The following KSR1 variants were observed in gnomAD, a reference collection of about 807,000 sequenced individuals.
The protein encoded by KSR1 is kinase suppressor of ras.
KSR1 carries 35 observed loss-of-function variants against 92.9 expected under a neutral mutation model. The ratio of observed to expected loss-of-function variants is 0.38; its 90% CI spans 0.29 to 0.50. KSR1 has a LOEUF of 0.50. Ranked by LOEUF, KSR1 falls within the 20% of genes least tolerant of loss-of-function variation. The probability of loss-of-function intolerance (pLI) is 0.94; values close to 1 mark genes in which losing one functional copy is unlikely to be tolerated. For synonymous variants in KSR1, 467 were observed against 472.6 expected, an observed-to-expected ratio of 0.99 and a Z score of 0.15; for missense variants, 972 against 1,158.5, an observed-to-expected ratio of 0.84 and a Z score of 2.34.
At position 27,495,701 on chromosome 17, in the gene KSR1, C is replaced by T. The variant is rs2068962099; in HGVS notation, c.231+38827C>T. 2.6e-5 allele frequency among the ~76,000 whole-genome samples: 4 copies of T among 152,188 alleles called. No homozygotes were observed. In the South Asian group the frequency reaches 8.3e-4, roughly 32 times the overall value. The stretch of plus-strand genomic sequence containing the variant: ...TGATTTCAGAATAACAGGGCGAGCT[C>T]TCACAGAGCATTCATTGCTTCATCG... On this transcript the variant is annotated intron_variant, in intron 1 of 20. Coordinates refer to ENST00000644974, the MANE Select transcript of KSR1 (RefSeq NM_001394583.1).
At position 27,550,701 on chromosome 17, in the gene KSR1, T is replaced by G. The variant is rs778448014; in HGVS notation, c.365T>G (p.Val122Gly). The G allele has an allele frequency of 1.3e-6, 1 of 762,650 alleles. No individual in the cohort carries two copies. Among genetic ancestry groups the G allele is most frequent in the South Asian group, 1.3e-5 (1 of 74,510 alleles). The allele number at this position is 762,650 out of a possible 1,614,324, so 47.2% of individuals were successfully genotyped here. ...TACACTTTCAACGTGAGGCCGGAGG[T>G]GGTGCAGGTATGCAAGCTGGTTCTC... ...WLYTFNVRPE[V>G]VQEIPRDLTL... The change falls in exon 2 of 21, where the codon GTG becomes GGG. Residue 122 changes from valine (V) to glycine (G), a missense_variant. Coordinates refer to ENST00000644974, the MANE Select transcript of KSR1 (RefSeq NM_001394583.1).
At chr17:27,495,246 C>T (rs1420037470) in intron 1 of KSR1, among the ~76,000 whole-genome samples, 4 of 152,218 alleles carry the variant, frequency 2.6e-5, no homozygotes, top group Non-Finnish European at 5.9e-5. Context: ...TCCTCTCCTC[C>T]TCCCCTGAGC....
chr17:27,482,088 T>G (rs899093915), intron 1 of KSR1, among the ~76,000 whole-genome samples: 19 of 152,128 alleles, frequency 1.2e-4, no homozygotes, highest in African/African-American at 4.1e-4. Context: ...ATAAATGTTG[T>G]TGGTGGTGCT....
chr17:27,590,989 A>G, intron 7 of KSR1, 95 bp downstream of exon 7: 1 of 1,064,682 alleles, frequency 9.4e-7, no homozygotes, highest in Non-Finnish European at 1.4e-6. Context: ...AGTCCTATTC[A>G]GCACACCAGG....
In KSR1 at chr17:27,588,457, C is replaced by A; in HGVS notation, c.986-18C>A. 1 of 1,564,124 alleles carries A rather than the reference C, an allele frequency of 6.4e-7. No individual in the cohort carries two copies. Among genetic ancestry groups the A allele is most frequent in the Admixed American group, 1.9e-5 (1 of 52,888 alleles). On this transcript the variant is annotated intron_variant, in intron 5 of 20. Transcript: ENST00000644974. Reference sequence around the variant, plus strand: ...TGCGGAGTTCCTCAGCCTGCCCATCCGGCCTCTTTCCCTGCAGATCTCTCG... The same window carrying A: ...TGCGGAGTTCCTCAGCCTGCCCATCAGGCCTCTTTCCCTGCAGATCTCTCG...
At chr17:27,463,082 A>G (rs1021623507) in intron 1 of KSR1, among the ~76,000 whole-genome samples, 3 of 152,272 alleles carry the variant, frequency 2.0e-5, no homozygotes, top group Admixed American at 2.0e-4. Flanking sequence ...GTATATGAAT[A>G]CATTTAATAT....
intron 1 of KSR1, among the ~76,000 whole-genome samples, chr17:27,525,929 GT>G (rs1460743853): frequency 6.6e-6 from 1 of 152,190 alleles, no homozygotes. Context: ...ATTTGGAACA[GT>G]TTGCGTGGAA....
chr17:27,522,169 T>C (rs2070061436), intron 1 of KSR1, among the ~76,000 whole-genome samples: 1 of 152,142 alleles, frequency 6.6e-6, no homozygotes, highest in South Asian at 2.1e-4. Flanking sequence ...GGAGTGTCTC[T>C]CTGAGCCCCT....
intron 6 of KSR1, among the ~76,000 whole-genome samples, chr17:27,589,710 C>T (rs1412312318): frequency 6.6e-6 from 1 of 152,198 alleles, no homozygotes; most frequent in Non-Finnish European, 1.5e-5. Context: ...CAGCCTTGCA[C>T]TTTTTTTCTG....
intron 16 of KSR1, 101 bp downstream of exon 16, chr17:27,609,430 C>T: frequency 1.4e-6 from 2 of 1,467,234 alleles, no homozygotes. Flanking sequence ...AGCTGCAGCC[C>T]TCCCTGCAGG....
Position 27,559,624 on chromosome 17 carries a change from A to G in KSR1, c.372+8916A>G, listed in dbSNP as rs1598026229. ...TGAAGACACCTTCCTCTGCCCCAGG[A>G]GCACACAGACTGGGGTGAAACAGGA... is the stretch of plus-strand genomic sequence containing the variant. On this transcript the variant is annotated intron_variant, in intron 2 of 20. Transcript: ENST00000644974. This position sits in a 1 kb window ranked among gnomAD's most constrained non-coding sequence, Gnocchi z 4.2. 6.6e-6 allele frequency among the ~76,000 whole-genome samples: 1 copy of G among 152,236 alleles called. No homozygotes were observed. Among genetic ancestry groups the G allele is most frequent in the Admixed American group, 6.5e-5 (1 of 15,286 alleles).
chr17:27,475,480 G>A (rs765868327), intron 1 of KSR1, among the ~76,000 whole-genome samples: 4 of 152,134 alleles, frequency 2.6e-5, no homozygotes, highest in African/African-American at 4.8e-5. Flanking sequence ...GCTGGCCCGG[G>A]GCAGGCTGAG....
chr17:27,544,908 C>T (rs995244794), intron 1 of KSR1, among the ~76,000 whole-genome samples: 6 of 152,210 alleles, frequency 3.9e-5, no homozygotes, highest in South Asian at 2.1e-4. Context: ...TTCACTCTGA[C>T]GGGAGTGGCT....
chr17:27,602,625 A>C (rs1368382001), intron 11 of KSR1, among the ~76,000 whole-genome samples: 2 of 152,174 alleles, frequency 1.3e-5, no homozygotes, highest in African/African-American at 4.8e-5. Context: ...CCACACCCCA[A>C]CTCTTACTAC....
At chr17:27,522,336 C>T (rs982027719) in intron 1 of KSR1, among the ~76,000 whole-genome samples, 1 of 152,214 alleles carries the variant, frequency 6.6e-6, no homozygotes, top group African/African-American at 2.4e-5. Context: ...CCACGCAATC[C>T]TCCACACAGC....
At chr17:27,464,267 C>T (rs558961474) in intron 1 of KSR1, among the ~76,000 whole-genome samples, 80 of 152,272 alleles carry the variant, frequency 5.3e-4, no homozygotes, top group African/African-American at 1.8e-3. Flanking sequence ...GGGTATGTCA[C>T]GGGTGGACCT....
intron 1 of KSR1, among the ~76,000 whole-genome samples, chr17:27,482,284 G>T (rs2068535064): frequency 6.6e-6 from 1 of 152,056 alleles, no homozygotes; most frequent in African/African-American, 2.4e-5. Flanking sequence ...TTATATCCAT[G>T]GCCCTGGGGT....
chr17:27,467,853 C>G (rs2019776501), intron 1 of KSR1, among the ~76,000 whole-genome samples: 1 of 151,726 alleles, frequency 6.6e-6, no homozygotes, highest in African/African-American at 2.4e-5. Context: ...CTCTGTCCCC[C>G]AGGCTGTAGT....
At chr17:27,482,934 A>G in intron 1 of KSR1, among the ~76,000 whole-genome samples, 1 of 152,184 alleles carries the variant, frequency 6.6e-6, no homozygotes. Context: ...TTGGGGGGAA[A>G]ATCATGTCAT....
Sources: allele counts gnomAD v4.1 joint callset (sites outside exome capture counted in the v4.1 genomes callset), GRCh38; gene constraint gnomAD v4.1.1; non-coding constraint Gnocchi (gnomAD v3.1); transcripts MANE v1.5; gene names NCBI Gene and HGNC (gene_info 2026-07-23, HGNC 2026-07-21).